The following YES1 variants were observed in gnomAD, a reference collection of about 807,000 sequenced individuals.
YES1 encodes YES proto-oncogene 1, Src family tyrosine kinase, also known as tyrosine-protein kinase Yes.
YES1 carries 39 observed loss-of-function variants against 70.4 expected under a neutral mutation model. The ratio of observed to expected loss-of-function variants is 0.55; its 90% CI spans 0.43 to 0.72. YES1 has a LOEUF of 0.72. Ranked by LOEUF, YES1 falls within the 30% of genes least tolerant of loss-of-function variation. The pLI is 0.00. For synonymous variants in YES1, 198 were observed against 218.6 expected (o/e 0.91, Z 0.83); for missense variants, 495 against 644.8 (o/e 0.77, Z 2.52).
At chr18:759,852 T>C (rs943596499) in intron 1 of YES1, among the ~76,000 whole-genome samples, 4 of 148,480 alleles carry the variant, frequency 2.7e-5, no homozygotes, top group South Asian at 2.2e-4. Context: ...AATGCTATCC[T>C]TCCCCCCTCC....
chr18:793,178 T>C (rs1003639553), intron 1 of YES1, among the ~76,000 whole-genome samples: 4 of 152,142 alleles, frequency 2.6e-5, no homozygotes, highest in Non-Finnish European at 5.9e-5. Flanking sequence ...TAGGTGGGAC[T>C]ACAGGCGCAT....
At chr18:759,834 T>C (rs933704874) in intron 1 of YES1, among the ~76,000 whole-genome samples, 9 of 152,032 alleles carry the variant, frequency 5.9e-5, no homozygotes, top group East Asian at 1.9e-4. Context: ...ACATTAGGTA[T>C]ATCTCCTAAT....
At chr18:772,673 C>A (rs906666324) in intron 1 of YES1, among the ~76,000 whole-genome samples, 2 of 152,140 alleles carry the variant, frequency 1.3e-5, no homozygotes, top group Non-Finnish European at 2.9e-5. Flanking sequence ...CTCAGGTGAT[C>A]CACCTGCCTC....
chr18:777,670 G>A (rs925273868), intron 1 of YES1, among the ~76,000 whole-genome samples: 3 of 151,932 alleles, frequency 2.0e-5, no homozygotes. Context: ...AGCCAGGCAT[G>A]GTGGTGTGCG....
intron 1 of YES1, among the ~76,000 whole-genome samples, chr18:787,148 G>GGAGTGCA (rs1428767569): frequency 7.6e-6 from 1 of 131,058 alleles, no homozygotes; most frequent in Non-Finnish European, 1.6e-5. Context: ...CCAGGCTGGA[G>GGAGTGCA]GAGTGCAGTG....
At chr18:754,740 A>G (rs2080384414) in intron 2 of YES1, among the ~76,000 whole-genome samples, 1 of 151,922 alleles carries the variant, frequency 6.6e-6, no homozygotes, top group Admixed American at 6.6e-5. Flanking sequence ...ATCTCAGCTC[A>G]AATGATTTCT....
At chr18:805,140 T>C (rs1364506863) in intron 1 of YES1, among the ~76,000 whole-genome samples, 2 of 152,106 alleles carry the variant, frequency 1.3e-5, no homozygotes, top group Admixed American at 6.6e-5. Flanking sequence ...AATGCCTCAT[T>C]AGGCAATTCT....
intron 1 of YES1, among the ~76,000 whole-genome samples, chr18:799,643 C>CAGTG (rs1906718458): frequency 6.6e-6 from 1 of 152,124 alleles, no homozygotes; most frequent in African/African-American, 2.4e-5. Context: ...GTGGAGGTAG[C>CAGTG]AGTGAGCTGA....
intron 1 of YES1, among the ~76,000 whole-genome samples, chr18:770,997 T>A (rs1254133831): frequency 6.8e-6 from 1 of 146,898 alleles, no homozygotes; most frequent in East Asian, 2.0e-4. Flanking sequence ...TGAAGAGATA[T>A]CCCATCTCAA....
At chr18:756,468 A>C (rs1334966754) in intron 2 of YES1, 89 bp downstream of exon 2, 79 of 1,483,428 alleles carry the variant, frequency 5.3e-5, no homozygotes, top group Non-Finnish European at 7.1e-5. Context: ...CAAGTAAGAT[A>C]TCTTTCTTAA....
intron 1 of YES1, among the ~76,000 whole-genome samples, chr18:757,693 A>G (rs1695334959): frequency 6.7e-6 from 1 of 150,296 alleles, no homozygotes; most frequent in African/African-American, 2.5e-5. Context: ...GTGGTGGTGC[A>G]CACCTGTAAT....
At chr18:809,210 A>G (rs780679360) in intron 1 of YES1, among the ~76,000 whole-genome samples, 3 of 152,244 alleles carry the variant, frequency 2.0e-5, no homozygotes, top group Non-Finnish European at 4.4e-5. Context: ...CTGTGAAAAT[A>G]TTAAAACAAT....
chr18:763,990 G>A (rs538095488), intron 1 of YES1, among the ~76,000 whole-genome samples: 23 of 151,750 alleles, frequency 1.5e-4, no homozygotes, highest in Middle Eastern at 3.4e-3. Flanking sequence ...GTGTGGTGGC[G>A]GGCACTGTAG....
chr18:733,675 C>T (rs1023963433), intron 10 of YES1, among the ~76,000 whole-genome samples: 5 of 148,698 alleles, frequency 3.4e-5, no homozygotes, highest in African/African-American at 9.9e-5. Context: ...CCCAGCTACT[C>T]GGGAGGCTGA....
chr18:730,857 T>C (rs921925121), intron 11 of YES1, among the ~76,000 whole-genome samples: 1 of 152,190 alleles, frequency 6.6e-6, no homozygotes, highest in Non-Finnish European at 1.5e-5. Flanking sequence ...GGCTGTGTGG[T>C]TTTTTTCTAG....
At chr18:746,118 G>T in intron 4 of YES1, 67 bp from the exon 5 acceptor site, 1 of 1,176,138 alleles carries the variant, frequency 8.5e-7, no homozygotes, top group Non-Finnish European at 1.2e-6. Context: ...AGAAGTGTCA[G>T]TAAGAATGGA....
At chr18:732,726 G>A in intron 11 of YES1, 108 bp downstream of exon 11, 2 of 1,390,170 alleles carry the variant, frequency 1.4e-6, no homozygotes, top group Non-Finnish European at 2.0e-6. Context: ...GAGGCAGGGG[G>A]ACTATGAGAA....
At chr18:757,591 C>T (rs886464376) in intron 1 of YES1, among the ~76,000 whole-genome samples, 9 of 151,378 alleles carry the variant, frequency 5.9e-5, no homozygotes, top group African/African-American at 1.9e-4. Flanking sequence ...GATGCCTAGG[C>T]GGACCGATCA....
chr18:799,589 A>G (rs1906714703), intron 1 of YES1, among the ~76,000 whole-genome samples: 1 of 152,136 alleles, frequency 6.6e-6, no homozygotes, highest in East Asian at 1.9e-4. Flanking sequence ...GCATGCCCGT[A>G]ATGAGCAACT....
Sources: gnomAD v4.1 joint callset for allele counts (sites outside exome capture counted in the v4.1 genomes callset) on GRCh38, gnomAD v4.1.1 for gene constraint, MANE v1.5 for transcripts, NCBI Gene and HGNC (gene_info 2026-07-23, HGNC 2026-07-21) for gene names.